The following ITGA8 variants were observed in gnomAD, a reference collection of about 807,000 sequenced individuals.
The protein encoded by ITGA8 is integrin alpha-8.
A neutral mutation model predicts 142.3 loss-of-function variants in ITGA8; 91 were observed. The observed-to-expected ratio is 0.64, with a 90% CI of 0.54 to 0.76. The LOEUF (loss-of-function observed/expected upper bound fraction) is 0.76. Among genes scored for constraint, ITGA8 ranks in the 30% least tolerant of loss-of-function variants. The pLI is 0.00. For missense variants in ITGA8, 1,406 were observed against 1,327.7 expected, an observed-to-expected ratio of 1.06 and a Z score of -0.92; for synonymous variants, 505 against 485.2, an observed-to-expected ratio of 1.04 and a Z score of -0.54.
intron 27 of ITGA8, among the ~76,000 whole-genome samples, chr10:15,534,945 C>T (rs1211550078): frequency 6.6e-6 from 1 of 152,200 alleles, no homozygotes; most frequent in Non-Finnish European, 1.5e-5. Flanking sequence ...AGCCGGCTCC[C>T]TCAGCTTGCC....
rs755000477 is a variant in ITGA8, at chr10:15,516,902, A to C, written c.*256T>G. On this transcript the variant is annotated 3_prime_UTR_variant, in exon 30 of 30. Coordinates refer to ENST00000378076, the MANE Select transcript of ITGA8 (RefSeq NM_003638.3). Reference sequence around the variant, plus strand: ...CAAAGTGTCTGCCAAGTACAGAACGATTAAAGCAAAAGAAAATCTTCCACA... The same window carrying C: ...CAAAGTGTCTGCCAAGTACAGAACGCTTAAAGCAAAAGAAAATCTTCCACA... 9.9e-5 allele frequency: 36 copies of C among 362,632 alleles called. No homozygotes were observed. Among genetic ancestry groups the C allele is most frequent in the Non-Finnish European group, 1.6e-4 (31 of 197,278 alleles). The allele number at this position is 362,632 out of a possible 1,614,324, so 22.5% of individuals were successfully genotyped here. A position where few individuals can be genotyped will look rare whatever the true frequency, so the allele number is the denominator to read the frequency against.
intron 25 of ITGA8, among the ~76,000 whole-genome samples, chr10:15,567,586 A>G (rs922020553): frequency 6.6e-6 from 1 of 152,232 alleles, no homozygotes; most frequent in Non-Finnish European, 1.5e-5. Flanking sequence ...AAACTTACAG[A>G]AAACACAACT....
intron 26 of ITGA8, among the ~76,000 whole-genome samples, chr10:15,553,115 G>A (rs1165112816): frequency 6.6e-6 from 1 of 152,016 alleles, no homozygotes; most frequent in Non-Finnish European, 1.5e-5. Flanking sequence ...AAATTAGCCG[G>A]GCATGGTGGT....
intron 24 of ITGA8, 22 bp downstream of exon 24, chr10:15,575,467 C>G (rs768720369): frequency 6.5e-7 from 1 of 1,545,316 alleles, no homozygotes; most frequent in South Asian, 1.1e-5. Context: ...CCTAACACAA[C>G]TTTAACACAG....
chr10:15,712,270 A>G (rs919363816), intron 2 of ITGA8, among the ~76,000 whole-genome samples: 1 of 152,196 alleles, frequency 6.6e-6, no homozygotes, highest in Non-Finnish European at 1.5e-5. Flanking sequence ...TTAGTCTTTC[A>G]GCTATCTTGC....
In ITGA8 at chr10:15,562,101, G is replaced by A. The variant is rs116758595; in HGVS notation, c.2638-3899C>T. Reference sequence around the variant, plus strand: ...ACCTGGTCTCTCTCTTGACACATGCGGATTATGGGGATTATAATTCAAGAT... The same window carrying A: ...ACCTGGTCTCTCTCTTGACACATGCAGATTATGGGGATTATAATTCAAGAT... On this transcript the variant is annotated intron_variant, in intron 25 of 29. Transcript: ENST00000378076. Among the ~76,000 whole-genome samples the A allele has an allele frequency of 7.9e-3, 1,202 of 152,262 alleles. 15 individuals carry two copies. The highest frequency in any genetic ancestry group is 0.027 in the African/African-American group (1,134 of 41,548).
intron 4 of ITGA8, among the ~76,000 whole-genome samples, chr10:15,680,111 C>CCTGG (rs1416210683): frequency 6.6e-5 from 10 of 151,890 alleles, no homozygotes; most frequent in African/African-American, 2.4e-4. Context: ...TTGAAATGGA[C>CCTGG]CTGGCCTTTC....
At chr10:15,528,292 A>C (rs973280815) in intron 28 of ITGA8, among the ~76,000 whole-genome samples, 12 of 152,096 alleles carry the variant, frequency 7.9e-5, no homozygotes, top group Admixed American at 5.9e-4. Context: ...CTCACTATAA[A>C]AAAATGTCTG....
intron 22 of ITGA8, among the ~76,000 whole-genome samples, chr10:15,591,609 G>A (rs1165990098): frequency 1.3e-5 from 2 of 152,010 alleles, no homozygotes; most frequent in African/African-American, 4.8e-5. Flanking sequence ...ATTATTTTCA[G>A]CCACAAAGGA....
chr10:15,632,093 T>G (rs1283761654), intron 13 of ITGA8, among the ~76,000 whole-genome samples: 1 of 151,996 alleles, frequency 6.6e-6, no homozygotes, highest in Non-Finnish European at 1.5e-5. Context: ...AAGGCTATAT[T>G]ATTTGTGAAA....
chr10:15,558,435 T>C (rs1027690683), intron 25 of ITGA8, among the ~76,000 whole-genome samples: 2 of 152,148 alleles, frequency 1.3e-5, no homozygotes, highest in African/African-American at 2.4e-5. Context: ...AATGCATTCC[T>C]GGGAAGTTTA....
intron 20 of ITGA8, among the ~76,000 whole-genome samples, chr10:15,603,110 C>G (rs1233314619): frequency 2.1e-5 from 3 of 145,774 alleles, no homozygotes; most frequent in African/African-American, 7.5e-5. Flanking sequence ...TCTATCATTA[C>G]CCATCTAGAT....
At chr10:15,609,187 T>C (rs1833249353) in intron 15 of ITGA8, among the ~76,000 whole-genome samples, 1 of 152,154 alleles carries the variant, frequency 6.6e-6, no homozygotes, top group African/African-American at 2.4e-5. Context: ...TGGCTGCCTT[T>C]GTTGAATGAA....
chr10:15,716,772 GC>G (rs1382162436), intron 2 of ITGA8, among the ~76,000 whole-genome samples: 1 of 149,608 alleles, frequency 6.7e-6, no homozygotes, highest in Admixed American at 6.8e-5. Flanking sequence ...CTGGGTTCAA[GC>G]AATTCTCCTG....
chr10:15,561,503 A>G (rs10906927), intron 25 of ITGA8, among the ~76,000 whole-genome samples: 74,318 of 151,884 alleles, frequency 0.49, 21,712 homozygotes, highest in Non-Finnish European at 0.64. Flanking sequence ...CAGCTTGGCT[A>G]TAAATGGAAG....
chr10:15,547,672 A>G (rs1364910810), intron 27 of ITGA8, among the ~76,000 whole-genome samples: 1 of 152,190 alleles, frequency 6.6e-6, no homozygotes, highest in Non-Finnish European at 1.5e-5. Context: ...ATAATCTGTA[A>G]ATCATACTCA....
At chr10:15,644,928 C>G (rs1833950584) in intron 12 of ITGA8, among the ~76,000 whole-genome samples, 1 of 151,454 alleles carries the variant, frequency 6.6e-6, no homozygotes. Flanking sequence ...CCCATCTCTA[C>G]TAAAAATACA....
chr10:15,596,456 G>A (rs974317675), intron 21 of ITGA8: 8 of 152,132 alleles, frequency 5.3e-5, no homozygotes, highest in East Asian at 1.9e-4. Flanking sequence ...CCAGCGATGC[G>A]TTTATAACCT....
In ITGA8 at chr10:15,672,769, T is replaced by C. The variant is rs891967533; in HGVS notation, c.677-20A>G. On this transcript the variant is annotated intron_variant, in intron 6 of 29. Coordinates refer to ENST00000378076, the MANE Select transcript of ITGA8 (RefSeq NM_003638.3). ...CTTGTCCTGTGTTTAAACAAATTAATACGTTAACTGAATGAAAGCAAGAGG... is the reference window on the plus strand; with the variant it reads ...CTTGTCCTGTGTTTAAACAAATTAACACGTTAACTGAATGAAAGCAAGAGG... 1 of 1,572,828 alleles carries C rather than the reference T, an allele frequency of 6.4e-7. No homozygotes were observed. Among genetic ancestry groups the C allele is most frequent in the African/African-American group, 1.4e-5 (1 of 72,718 alleles).
Sources: gnomAD v4.1 joint callset for allele counts (sites outside exome capture counted in the v4.1 genomes callset) on GRCh38, gnomAD v4.1.1 for gene constraint, MANE v1.5 for transcripts, NCBI Gene and HGNC (gene_info 2026-07-23, HGNC 2026-07-21) for gene names.